RSPO2: variants seen among roughly 807,000 people sequenced by gnomAD.
RSPO2 encodes R-spondin-2.
A neutral mutation model predicts 30.9 loss-of-function variants in RSPO2; 14 were observed. That is an observed-to-expected ratio of 0.45 (90% CI 0.30 to 0.71). The LOEUF (loss-of-function observed/expected upper bound fraction) is 0.71. RSPO2 is among the 30% of genes least tolerant of loss of function. RSPO2 has a pLI of 0.08. For synonymous variants in RSPO2, 107 were observed against 96.4 expected (o/e 1.11, Z -0.64); for missense variants, 264 against 301.9 (o/e 0.87, Z 0.93).
intron 2 of RSPO2, among the ~76,000 whole-genome samples, chr8:108,046,640 C>CA (rs896459591): frequency 1.6e-4 from 24 of 151,746 alleles, no homozygotes; most frequent in South Asian, 1.0e-3. Flanking sequence ...AACAAACAAA[C>CA]AAAAAAAACT....
Position 107,951,055 on chromosome 8 carries a change from TG to T in RSPO2, c.616+7024del, listed in dbSNP as rs1452893204. The stretch of plus-strand genomic sequence containing the variant: ...ATAGGGAGAATAAGTTTTTTTTTGT[TG>T]TTGTTGTTGTTGTTGTTGTTGTTGT... On this transcript the variant is annotated intron_variant, in intron 5 of 5. Coordinates refer to ENST00000276659, the MANE Select transcript of RSPO2 (RefSeq NM_178565.5). 2.1e-3 allele frequency among the ~76,000 whole-genome samples: 309 copies of T among 147,330 alleles called. 1 individual carries two copies. Among genetic ancestry groups the T allele is most frequent in the East Asian group, 4.2e-3 (21 of 5,048 alleles).
intron 5 of RSPO2, among the ~76,000 whole-genome samples, chr8:107,904,065 AC>A (rs1811560906): frequency 6.6e-6 from 1 of 152,082 alleles, no homozygotes; most frequent in Non-Finnish European, 1.5e-5. Context: ...ATTAAAGCTA[AC>A]AAAAAAATCC....
chr8:108,060,017 A>AT (rs958456536), intron 2 of RSPO2, among the ~76,000 whole-genome samples: 7 of 150,830 alleles, frequency 4.6e-5, no homozygotes, highest in African/African-American at 1.7e-4. Context: ...ATAAAATAAA[A>AT]TTAAAAAAAA....
chr8:107,959,263 G>C (rs1813542478), intron 4 of RSPO2, among the ~76,000 whole-genome samples: 1 of 152,182 alleles, frequency 6.6e-6, no homozygotes, highest in Non-Finnish European at 1.5e-5. Flanking sequence ...CATTACTACA[G>C]TTTGAAAAGT....
intron 3 of RSPO2, among the ~76,000 whole-genome samples, chr8:107,987,948 C>T (rs992606273): frequency 6.6e-6 from 1 of 152,014 alleles, no homozygotes; most frequent in African/African-American, 2.4e-5. Flanking sequence ...ACTGACACAG[C>T]CCTTAATATA....
intron 2 of RSPO2, among the ~76,000 whole-genome samples, chr8:108,045,723 T>G (rs984391499): frequency 1.3e-5 from 2 of 152,154 alleles, no homozygotes; most frequent in African/African-American, 4.8e-5. Context: ...CATTAAAAGA[T>G]AGCCATCTTG....
At chr8:107,957,598 A>G (rs1238137855) in intron 5 of RSPO2, among the ~76,000 whole-genome samples, 1 of 152,224 alleles carries the variant, frequency 6.6e-6, no homozygotes, top group Non-Finnish European at 1.5e-5. Flanking sequence ...ACATTAAGAC[A>G]ATGTTTATTC....
At chr8:107,911,344 T>C (rs112396936) in intron 5 of RSPO2, among the ~76,000 whole-genome samples, 14 of 152,284 alleles carry the variant, frequency 9.2e-5, no homozygotes, top group African/African-American at 2.6e-4. Context: ...CCTGGAGAAG[T>C]AGCAGGGTAC....
At chr8:107,928,116 A>T (rs577529634) in intron 5 of RSPO2, among the ~76,000 whole-genome samples, 1 of 152,274 alleles carries the variant, frequency 6.6e-6, no homozygotes, top group South Asian at 2.1e-4. Flanking sequence ...GACCCATGAG[A>T]ATACTTAAGT....
intron 2 of RSPO2, among the ~76,000 whole-genome samples, chr8:108,025,612 A>C (rs1370421915): frequency 1.3e-5 from 2 of 152,008 alleles, no homozygotes; most frequent in Admixed American, 1.3e-4. Flanking sequence ...TGCAGCCTCA[A>C]CCTCCTAGGC....
intron 5 of RSPO2, among the ~76,000 whole-genome samples, chr8:107,938,055 CAT>C (rs1313275084): frequency 6.6e-6 from 1 of 152,042 alleles, no homozygotes; most frequent in African/African-American, 2.4e-5. Context: ...ACTCCGACAA[CAT>C]AAAAACTTAG....
Position 107,935,131 on chromosome 8 carries a change from T to A in RSPO2, c.616+22949A>T, listed in dbSNP as rs182578471. On this transcript the variant is annotated intron_variant, in intron 5 of 5. Coordinates refer to ENST00000276659, the MANE Select transcript of RSPO2 (RefSeq NM_178565.5). ...AATAGTATTTCTCTTCTTACAAAAG[T>A]GAATAGGAGAAATATCGCTGAATTC... 3.7e-4 allele frequency among the ~76,000 whole-genome samples: 56 copies of A among 152,124 alleles called. 1 individual carries two copies. The Middle Eastern group carries it at 0.01, about 28-fold the overall frequency.
In RSPO2 at chr8:107,903,326, TAAAG is replaced by T. The variant is rs368441353; in HGVS notation, c.617-2140_617-2137del. On this transcript the variant is annotated intron_variant, in intron 5 of 5. Transcript: ENST00000276659. ...TGAATATATGTTAAAGAATATATGT[TAAAG>T]AAAGCTTTTCACATTCACAAGAAAG... 2.2e-3 allele frequency among the ~76,000 whole-genome samples: 328 copies of T among 152,224 alleles called. 4 individuals carry two copies. Among genetic ancestry groups the T allele is most frequent in the African/African-American group, 7.1e-3 (297 of 41,564 alleles).
chr8:108,053,923 A>C (rs1253341193), intron 2 of RSPO2, among the ~76,000 whole-genome samples: 1 of 152,196 alleles, frequency 6.6e-6, no homozygotes, highest in Non-Finnish European at 1.5e-5. Context: ...ATTTAAAATA[A>C]GCTAACTCAA....
At chr8:107,983,863 C>T in intron 3 of RSPO2, 1 of 1,549,816 alleles carries the variant, frequency 6.5e-7, no homozygotes, top group Non-Finnish European at 8.9e-7. Context: ...GCAGCAAATA[C>T]TGGGAAAGCC....
In RSPO2 at chr8:108,028,087, T is replaced by C. The variant is rs115641905; in HGVS notation, c.95-38843A>G. 8.2e-3 allele frequency among the ~76,000 whole-genome samples: 1,248 copies of C among 152,272 alleles called. 17 individuals carry two copies. Among genetic ancestry groups the C allele is most frequent in the African/African-American group, 0.029 (1,199 of 41,546 alleles). ...GACGCTCAAGAGACCAACCATCTGTTTCACCCAGGACTGGGCGGTTCCCAG... is the reference window on the plus strand; with the variant it reads ...GACGCTCAAGAGACCAACCATCTGTCTCACCCAGGACTGGGCGGTTCCCAG... On this transcript the variant is annotated intron_variant, in intron 2 of 5. Coordinates refer to ENST00000276659, the MANE Select transcript of RSPO2 (RefSeq NM_178565.5).
At chr8:107,919,941 G>A (rs1357415559) in intron 5 of RSPO2, among the ~76,000 whole-genome samples, 1 of 152,146 alleles carries the variant, frequency 6.6e-6, no homozygotes, top group Non-Finnish European at 1.5e-5. Flanking sequence ...CTCTGATGAA[G>A]AACATTTTTC....
At chr8:107,968,870 T>C (rs1487945753) in intron 3 of RSPO2, among the ~76,000 whole-genome samples, 1 of 152,088 alleles carries the variant, frequency 6.6e-6, no homozygotes, top group Non-Finnish European at 1.5e-5. Context: ...AATAAATAAA[T>C]ATATACATAT....
intron 5 of RSPO2, among the ~76,000 whole-genome samples, chr8:107,945,280 ACT>A (rs1412224029): frequency 9.2e-6 from 1 of 108,124 alleles, no homozygotes; most frequent in East Asian, 2.9e-4. Context: ...ACAGAGTCTC[ACT>A]CTGTCACCCA....
Sources: gnomAD v4.1 joint callset for allele counts (sites outside exome capture counted in the v4.1 genomes callset) on GRCh38, gnomAD v4.1.1 for gene constraint, MANE v1.5 for transcripts, NCBI Gene and HGNC (gene_info 2026-07-23, HGNC 2026-07-21) for gene names.